GP6: variants seen among roughly 807,000 people sequenced by gnomAD.
GP6 encodes platelet glycoprotein VI.
GP6 carries 45 observed loss-of-function variants against 37.3 expected under a neutral mutation model. The observed-to-expected ratio is 1.21, with a 90% CI of 0.95 to 1.55. GP6 has a LOEUF of 1.55. Among genes scored for constraint, GP6 ranks in the 40% most tolerant of loss-of-function variants. The probability of loss-of-function intolerance (pLI) is 0.00; values close to 1 mark genes in which losing one functional copy is unlikely to be tolerated. For synonymous variants in GP6, 340 were observed against 316.4 expected, an observed-to-expected ratio of 1.07 and a Z score of -0.79; for missense variants, 813 against 760.2, an observed-to-expected ratio of 1.07 and a Z score of -0.82.
chr19:55,025,229 G>A lies in GP6; in HGVS notation c.653C>T (p.Ser218Phe), dbSNP rs1266938621. ...CCTGCAGAACCTACCTGCTACCGGG[G>A]AAGGTGGTTCTGTTGGTAACCGGCT... is the stretch of plus-strand genomic sequence containing the variant. Residue 218 changes from serine to phenylalanine, a missense_variant, in exon 5 of 8, where the codon TCC (serine) becomes TTC (phenylalanine). By Grantham distance (155) the Ser-to-Phe change is radical (BLOSUM62 -2). Coordinates refer to ENST00000310373, the MANE Select transcript of GP6 (RefSeq NM_001083899.2). The A allele has an allele frequency of 6.5e-7, 1 of 1,544,674 alleles. No homozygotes were observed. The highest frequency in any genetic ancestry group is 8.8e-7 in the Non-Finnish European group (1 of 1,140,340).
At chr19:55,028,493 T>G (rs1029014144) in intron 3 of GP6, among the ~76,000 whole-genome samples, 3 of 152,158 alleles carry the variant, frequency 2.0e-5, no homozygotes, top group Non-Finnish European at 4.4e-5. Flanking sequence ...GAGGGTAGAT[T>G]ATAAGTATTC....
intron 5 of GP6, among the ~76,000 whole-genome samples, chr19:55,019,785 A>C (rs1432236568): frequency 6.9e-6 from 1 of 145,618 alleles, no homozygotes; most frequent in Admixed American, 7.1e-5. Context: ...TCACACCATT[A>C]TCCTGCCTCA....
Position 55,019,100 on chromosome 19 carries a change from T to TTC in GP6, c.665-390_665-389insGA, listed in dbSNP as rs1266396776. Among the ~76,000 whole-genome samples, 368 of 74,268 alleles carry TTC rather than the reference T, an allele frequency of 5.0e-3. 4 individuals are homozygous for TTC. The highest frequency in any genetic ancestry group is 0.014 in the African/African-American group (354 of 25,496). 48.7% of individuals were successfully genotyped at this position (74,268 alleles called of 152,430 possible). On this transcript the variant is annotated intron_variant, in intron 5 of 7. Coordinates refer to ENST00000310373, the MANE Select transcript of GP6 (RefSeq NM_001083899.2). ...TTGAAGAACTACCAGACTTCTTTCT[T>TTC]TTTTTTCTTTTTTTTTTTTTTTTGA... is the stretch of plus-strand genomic sequence containing the variant.
At chr19:55,034,367 C>T (rs1277084101) in intron 1 of GP6, among the ~76,000 whole-genome samples, 1 of 151,902 alleles carries the variant, frequency 6.6e-6, no homozygotes, top group Non-Finnish European at 1.5e-5. Flanking sequence ...CCAGCCTGGT[C>T]AACATGGTGA....
chr19:55,025,161 A>G (rs2074254453), intron 5 of GP6, 57 bp downstream of exon 5: 2 of 869,720 alleles, frequency 2.3e-6, no homozygotes, highest in East Asian at 2.6e-5. Flanking sequence ...GAGGAGAGAG[A>G]GAAGGGGTCC....
Position 55,032,695 on chromosome 19 carries a change from C to T in GP6, c.35-157G>A, listed in dbSNP as rs143055604. On this transcript the variant is annotated intron_variant, in intron 1 of 7. Coordinates refer to ENST00000310373, the MANE Select transcript of GP6 (RefSeq NM_001083899.2). ...GGAATGTAATTTAAGTGAGAGAAAC[C>T]GGTCAGAAAAAGCCACATAGTTTAT... is the stretch of plus-strand genomic sequence containing the variant. The T allele has an allele frequency of 1.1e-4, 95 of 834,970 alleles. No individual in the cohort carries two copies. The African/African-American group carries it at 1.4e-3, about 12-fold the overall frequency. 51.7% of individuals were successfully genotyped at this position (834,970 alleles called of 1,614,324 possible). A position where few individuals can be genotyped will look rare whatever the true frequency, so the allele number is the denominator to read the frequency against.
Position 55,027,870 on chromosome 19 carries a change from A to T in GP6, c.326-8T>A, listed in dbSNP as rs2074372545. On this transcript the variant is annotated splice_polypyrimidine_tract_variant and splice_region_variant and intron_variant, in intron 3 of 7. Transcript: ENST00000310373. ...AGGGTTTGGCAAAAACTCCTGGGAG[A>T]AAAAGAAAGTCTGATGTTGAAGGCA... The T allele has an allele frequency of 1.2e-6, 2 of 1,613,860 alleles. No homozygotes were observed. Among genetic ancestry groups the T allele is most frequent in the South Asian group, 2.2e-5 (2 of 91,082 alleles).
In GP6 at chr19:55,024,354, A is replaced by ACGCACATGCACG. The variant is rs1568613549; in HGVS notation, c.664+863_664+864insCGTGCATGTGCG. On this transcript the variant is annotated intron_variant, in intron 5 of 7. Coordinates refer to ENST00000310373, the MANE Select transcript of GP6 (RefSeq NM_001083899.2). The stretch of plus-strand genomic sequence containing the variant: ...TGCACGCACACACGCACATGCACGC[A>ACGCACATGCACG]CACACACATATGCACGCACACAGTA... Among the ~76,000 whole-genome samples, 203 of 123,816 alleles carry ACGCACATGCACG rather than the reference A, an allele frequency of 1.6e-3. 2 individuals are homozygous for ACGCACATGCACG. The Middle Eastern group carries it at 0.024, about 15-fold the overall frequency. The allele number at this position is 123,816 out of a possible 152,430, so 81.2% of individuals were successfully genotyped here.
rs373369047 is a variant in GP6, at chr19:55,019,107, C to T, written c.665-396G>A. ...ACTACCAGACTTCTTTCTTTTTTTT[C>T]TTTTTTTTTTTTTTTTGAGACAGAG... is the stretch of plus-strand genomic sequence containing the variant. On this transcript the variant is annotated intron_variant, in intron 5 of 7. Coordinates refer to ENST00000310373, the MANE Select transcript of GP6 (RefSeq NM_001083899.2). Among the ~76,000 whole-genome samples, 463 of 132,834 alleles carry T rather than the reference C, an allele frequency of 3.5e-3. 7 individuals carry two copies. The highest frequency in any genetic ancestry group is 0.011 in the African/African-American group (390 of 35,722). 87.1% of individuals were successfully genotyped at this position (132,834 alleles called of 152,430 possible).
intron 5 of GP6, among the ~76,000 whole-genome samples, chr19:55,021,050 T>TAAAA (rs60477411): frequency 2.8e-5 from 3 of 107,714 alleles, no homozygotes; most frequent in African/African-American, 3.8e-5. Context: ...AGACTCTGTT[T>TAAAA]AAAAAAAAAA....
At chr19:55,015,614 A>G in intron 7 of GP6, 69 bp downstream of exon 7, 1 of 931,270 alleles carries the variant, frequency 1.1e-6, no homozygotes, top group Non-Finnish European at 1.8e-6. Flanking sequence ...CCCTGCGTAG[A>G]CAAAGGAGTT....
rs1371398260 is a variant in GP6 at position 55,027,572 on chromosome 19, C to T, written c.610+6G>A. The T allele has an allele frequency of 1.9e-6, 3 of 1,610,840 alleles. No individual in the cohort carries two copies. The highest frequency in any genetic ancestry group is 1.3e-5 in the African/African-American group (1 of 74,892). ...GGAAGAAAGGTTTGGTCTGCACTAC[C>T]CCTACCTGTGACCACAAGCTCCAGG... On this transcript the variant is annotated splice_donor_region_variant and intron_variant, in intron 4 of 7. Coordinates refer to ENST00000310373, the MANE Select transcript of GP6 (RefSeq NM_001083899.2).
chr19:55,024,478 C>A (rs1478005466), intron 5 of GP6, among the ~76,000 whole-genome samples: 2 of 152,188 alleles, frequency 1.3e-5, no homozygotes, highest in Non-Finnish European at 2.9e-5. Flanking sequence ...CTCTTTCCAG[C>A]ATGTTTCTCC....
At chr19:55,020,464 T>C (rs995104506) in intron 5 of GP6, among the ~76,000 whole-genome samples, 3 of 152,146 alleles carry the variant, frequency 2.0e-5, no homozygotes, top group Non-Finnish European at 4.4e-5. Flanking sequence ...AGTGAGAACA[T>C]GCAGTGTTTG....
Position 55,032,204 on chromosome 19 carries a change from C to T in GP6, c.260G>A (p.Arg87His), listed in dbSNP as rs759426349. The change falls in exon 3 of 8, where the codon CGC (arginine) becomes CAC (histidine). Residue 87 changes from arginine to histidine, a missense_variant. Physicochemically the swap from Arg to His is conservative, Grantham distance 29. Transcript: ENST00000310373. ...GAGGCTTCCGTTCTGGTAGGAGCAG[C>T]GGTAGCGTCCAGCCAGACTTCTCTT... 4.5e-5 allele frequency: 73 copies of T among 1,613,786 alleles called. No individual in the cohort carries two copies. Among genetic ancestry groups the T allele is most frequent in the Admixed American group, 6.7e-5 (4 of 59,986 alleles).
Position 55,026,373 on chromosome 19 carries a change from T to C in GP6, c.611-1102A>G, listed in dbSNP as rs74333428. On this transcript the variant is annotated intron_variant, in intron 4 of 7. Coordinates refer to ENST00000310373, the MANE Select transcript of GP6 (RefSeq NM_001083899.2). ...TCTTTCTGGCCCTTAACAACCACCA[T>C]TGTACTTTGTGTTTCTACAGTGTTG... Among the ~76,000 whole-genome samples, 29 of 152,306 alleles carry C rather than the reference T, an allele frequency of 1.9e-4. No individual in the cohort carries two copies. The East Asian group carries it at 4.6e-3, about 24-fold the overall frequency.
intron 6 of GP6, among the ~76,000 whole-genome samples, chr19:55,016,431 A>G (rs957144897): frequency 7.0e-6 from 1 of 142,408 alleles, no homozygotes; most frequent in African/African-American, 2.6e-5. Flanking sequence ...GCTGGAGTGC[A>G]GTGGCCCGAT....
chr19:55,016,374 G>A (rs2073874526), intron 6 of GP6, among the ~76,000 whole-genome samples: 2 of 121,986 alleles, frequency 1.6e-5, no homozygotes, highest in Admixed American at 9.0e-5. Context: ...ATACGTGCCA[G>A]CTTTTTTTTT....
chr19:55,017,220 G>A (rs1254102972), intron 6 of GP6, among the ~76,000 whole-genome samples: 1 of 151,132 alleles, frequency 6.6e-6, no homozygotes, highest in Admixed American at 6.6e-5. Flanking sequence ...GAGTTCAAGC[G>A]ATTCTCCTGC....
Sources: allele counts gnomAD v4.1 joint callset (sites outside exome capture counted in the v4.1 genomes callset), GRCh38; gene constraint gnomAD v4.1.1; transcripts MANE v1.5; gene names NCBI Gene and HGNC (gene_info 2026-07-23, HGNC 2026-07-21).